KLF12: variants seen among roughly 807,000 people sequenced by gnomAD.
KLF12 encodes the protein KLF transcription factor 12.
KLF12 carries 9 observed loss-of-function variants against 37.8 expected under a neutral mutation model. That is an observed-to-expected ratio of 0.24 (90% CI 0.14 to 0.42). The LOEUF is 0.42. Ranked by LOEUF, KLF12 falls within the 10% of genes least tolerant of loss-of-function variation. The pLI is 1.00. For synonymous variants in KLF12, 208 were observed against 202.1 expected (o/e 1.03, Z -0.25); for missense variants, 411 against 516.0 (o/e 0.80, Z 1.97).
chr13:73,701,029 A>C (rs1227842023), intron 7 of KLF12, among the ~76,000 whole-genome samples: 3 of 152,214 alleles, frequency 2.0e-5, no homozygotes, highest in Non-Finnish European at 2.9e-5. Context: ...TAAAGAACAG[A>C]ATTGTCTTTT....
At chr13:73,952,031 TGAGCATAGGCAAAATC>T (rs1890666395) in intron 2 of KLF12, among the ~76,000 whole-genome samples, 1 of 152,216 alleles carries the variant, frequency 6.6e-6, no homozygotes, top group Non-Finnish European at 1.5e-5. Flanking sequence ...ACAGATGGGA[TGAGCATAGGCAAAATC>T]TTAAAGAGAT....
chr13:74,125,321 G>A (rs1439509620), intron 1 of KLF12, among the ~76,000 whole-genome samples: 1 of 151,752 alleles, frequency 6.6e-6, no homozygotes, highest in Non-Finnish European at 1.5e-5. Context: ...TTTTCCCCAG[G>A]TGCTTTAAAC....
At chr13:74,060,481 G>GTT (rs1307767786) in intron 1 of KLF12, among the ~76,000 whole-genome samples, 3 of 64,666 alleles carry the variant, frequency 4.6e-5, no homozygotes, top group African/African-American at 7.5e-5. Context: ...GTATACCTAG[G>GTT]TTTTGTGTGT....
At chr13:73,843,142 T>A (rs1361875836) in intron 4 of KLF12, among the ~76,000 whole-genome samples, 2 of 152,170 alleles carry the variant, frequency 1.3e-5, no homozygotes, top group African/African-American at 4.8e-5. Flanking sequence ...CTTGAGGTAG[T>A]TTTTCTGTTT....
chr13:74,149,006 G>T, the KLF12 span, among the ~76,000 whole-genome samples: 4 of 152,248 alleles, frequency 2.6e-5, no homozygotes, highest in South Asian at 8.3e-4. Flanking sequence ...GTAGAGACGG[G>T]ATTTCAGTAT....
the KLF12 span, among the ~76,000 whole-genome samples, chr13:74,234,727 C>T: frequency 6.6e-6 from 1 of 151,528 alleles, no homozygotes; most frequent in Admixed American, 6.6e-5. Context: ...GTAGGTTTTG[C>T]CACTCTTACC....
intron 3 of KLF12, among the ~76,000 whole-genome samples, chr13:73,889,582 T>G (rs1887404203): frequency 6.6e-6 from 1 of 152,186 alleles, no homozygotes; most frequent in South Asian, 2.1e-4. Flanking sequence ...ACCTGACTGC[T>G]AAGAAAACTC....
chr13:73,802,125 T>A (rs1003131663), intron 5 of KLF12: 7 of 152,172 alleles, frequency 4.6e-5, no homozygotes, highest in African/African-American at 1.4e-4. Context: ...TTTAGCATTA[T>A]GCGTAGAGTA....
chr13:74,094,047 C>T (rs1209853912), intron 1 of KLF12, among the ~76,000 whole-genome samples: 2 of 151,578 alleles, frequency 1.3e-5, no homozygotes, highest in Non-Finnish European at 2.9e-5. Flanking sequence ...ATATTTGATA[C>T]ATGCTAAGTA....
rs77962436 is a variant in KLF12 at position 74,087,270 on chromosome 13, G to A, written c.-32+46469C>T. On this transcript the variant is annotated intron_variant, in intron 1 of 7. Transcript: ENST00000377669. Reference sequence around the variant, plus strand: ...CAGGCACCAGCAAAAGTATGTGACCGAACGTCGACACAGGTCCTCTGTCAG... The same window carrying A: ...CAGGCACCAGCAAAAGTATGTGACCAAACGTCGACACAGGTCCTCTGTCAG... Among the ~76,000 whole-genome samples the A allele has an allele frequency of 1.4e-3, 206 of 152,216 alleles. 4 individuals carry two copies. In the East Asian group the frequency reaches 0.032, roughly 24 times the overall value.
chr13:74,071,851 T>C (rs1258629542), intron 1 of KLF12, among the ~76,000 whole-genome samples: 1 of 152,202 alleles, frequency 6.6e-6, no homozygotes, highest in Non-Finnish European at 1.5e-5. Flanking sequence ...GGTCTGACTG[T>C]GTATGGTGAT....
chr13:73,984,310 G>A (rs1163539703), intron 2 of KLF12, among the ~76,000 whole-genome samples: 5 of 152,170 alleles, frequency 3.3e-5, no homozygotes, highest in African/African-American at 1.2e-4. Context: ...ACACTGGGAA[G>A]GTGCAGCTCA....
chr13:73,762,426 A>T (rs1594061403), intron 6 of KLF12, among the ~76,000 whole-genome samples: 1 of 152,226 alleles, frequency 6.6e-6, no homozygotes, highest in African/African-American at 2.4e-5. Flanking sequence ...GAACTCAACA[A>T]CAGCCATAGG....
At chr13:74,256,306 A>G in the KLF12 span, among the ~76,000 whole-genome samples, 1 of 152,322 alleles carries the variant, frequency 6.6e-6, no homozygotes, top group East Asian at 1.9e-4. Context: ...AACAAAACAC[A>G]TAACTGAAAA....
chr13:73,897,858 G>A (rs1394838288), intron 3 of KLF12, among the ~76,000 whole-genome samples: 1 of 152,080 alleles, frequency 6.6e-6, no homozygotes, highest in Non-Finnish European at 1.5e-5. Flanking sequence ...AATTATTTTA[G>A]CATCACTTTC....
intron 4 of KLF12, among the ~76,000 whole-genome samples, chr13:73,831,025 C>CACACACACACACACAT (rs1555311663): frequency 2.8e-5 from 4 of 141,540 alleles, no homozygotes; most frequent in Non-Finnish European, 6.2e-5. Context: ...CACACACACA[C>CACACACACACACACAT]GCATACTTAT....
the KLF12 span, among the ~76,000 whole-genome samples, chr13:74,214,706 T>C: frequency 6.6e-6 from 1 of 152,188 alleles, no homozygotes; most frequent in East Asian, 1.9e-4. Flanking sequence ...TTATCCCTAG[T>C]GCTCTGAAAT....
In KLF12 at chr13:73,765,009, A is replaced by G. The variant is rs765872131; in HGVS notation, c.807-9T>C. On this transcript the variant is annotated splice_polypyrimidine_tract_variant and intron_variant, in intron 5 of 7. Coordinates refer to ENST00000377669, the MANE Select transcript of KLF12 (RefSeq NM_007249.5). Reference sequence around the variant, plus strand: ...CTGGGGACGGATGTACCCTGTAGACAGAGAAGAATAATCCAGTCATTGAAA... The same window carrying G: ...CTGGGGACGGATGTACCCTGTAGACGGAGAAGAATAATCCAGTCATTGAAA... The G allele has an allele frequency of 6.7e-7, 1 of 1,503,640 alleles. No homozygotes were observed. Among genetic ancestry groups the G allele is most frequent in the South Asian group, 1.2e-5 (1 of 83,770 alleles). The allele number at this position is 1,503,640 out of a possible 1,614,324, so 93.1% of individuals were successfully genotyped here.
intron 6 of KLF12, among the ~76,000 whole-genome samples, chr13:73,761,768 C>T (rs935232908): frequency 2.0e-5 from 3 of 152,046 alleles, no homozygotes; most frequent in African/African-American, 7.2e-5. Flanking sequence ...AGCCAATAAA[C>T]CTAAGATGGG....
Sources: allele counts gnomAD v4.1 joint callset (sites outside exome capture counted in the v4.1 genomes callset), GRCh38; gene constraint gnomAD v4.1.1; transcripts MANE v1.5; gene names NCBI Gene and HGNC (gene_info 2026-07-23, HGNC 2026-07-21).